TANC2: variants seen among roughly 807,000 people sequenced by gnomAD.
The protein encoded by TANC2 is tetratricopeptide repeat, ankyrin repeat and coiled-coil containing 2, also known as protein TANC2.
A neutral mutation model predicts 210.5 loss-of-function variants in TANC2; 26 were observed. That is an observed-to-expected ratio of 0.12 (90% CI 0.09 to 0.17). The LOEUF is 0.17. Among genes scored for constraint, TANC2 ranks in the 10% least tolerant of loss-of-function variants. The pLI, the probability that TANC2 is intolerant of heterozygous loss-of-function variation, is 1.00. For synonymous variants in TANC2, 931 were observed against 967.1 expected, an observed-to-expected ratio of 0.96 and a Z score of 0.69; for missense variants, 2,129 against 2,608.9, an observed-to-expected ratio of 0.82 and a Z score of 4.01.
At chr17:62,980,617 A>G (rs1478870278) in intron 1 of TANC2, among the ~76,000 whole-genome samples, 3 of 151,936 alleles carry the variant, frequency 2.0e-5, no homozygotes, top group Non-Finnish European at 4.4e-5. Context: ...TAGCCATTCA[A>G]CTCTGTGGCA....
At chr17:63,227,550 A>G (rs1361075433) in intron 7 of TANC2, among the ~76,000 whole-genome samples, 2 of 152,112 alleles carry the variant, frequency 1.3e-5, no homozygotes, top group African/African-American at 2.4e-5. Context: ...CTCCCATTCT[A>G]TAGGTTGTCA....
chr17:63,289,586 A>G (rs988742911), intron 9 of TANC2, among the ~76,000 whole-genome samples: 23 of 151,956 alleles, frequency 1.5e-4, no homozygotes, highest in African/African-American at 5.6e-4. Context: ...TACATTACCC[A>G]CTATTGTTGC....
intron 18 of TANC2, among the ~76,000 whole-genome samples, chr17:63,397,767 ATAGT>A (rs1392724740): frequency 9.9e-5 from 15 of 152,252 alleles, no homozygotes; most frequent in African/African-American, 3.4e-4. Context: ...ATAGTAAGAT[ATAGT>A]TAAATAATAG....
At chr17:63,214,588 C>T (rs2041974667) in intron 7 of TANC2, among the ~76,000 whole-genome samples, 1 of 152,166 alleles carries the variant, frequency 6.6e-6, no homozygotes, top group Non-Finnish European at 1.5e-5. Flanking sequence ...GAGGGCTCAT[C>T]CCTTGTAGCT....
chr17:63,411,366 A>G, intron 21 of TANC2, 145 bp from the exon 22 acceptor site: 1 of 743,164 alleles, frequency 1.3e-6, no homozygotes, highest in East Asian at 2.6e-5. Flanking sequence ...TTGAGATACA[A>G]CTGGCATACC....
chr17:63,307,293 C>G (rs1052349337), intron 9 of TANC2, among the ~76,000 whole-genome samples: 64 of 152,094 alleles, frequency 4.2e-4, no homozygotes, highest in African/African-American at 1.2e-3. Flanking sequence ...TAGGAGTAGT[C>G]GATAAGAAGG....
intron 2 of TANC2, among the ~76,000 whole-genome samples, chr17:63,035,981 C>G (rs759756811): frequency 6.6e-6 from 1 of 152,018 alleles, no homozygotes; most frequent in South Asian, 2.1e-4. Flanking sequence ...GCTTGTCTTC[C>G]GTGTATCCTG....
At chr17:63,290,626 T>G (rs2044356006) in intron 9 of TANC2, among the ~76,000 whole-genome samples, 1 of 152,180 alleles carries the variant, frequency 6.6e-6, no homozygotes, top group African/African-American at 2.4e-5. Flanking sequence ...CTGTTTTTCA[T>G]TGCCTTATGT....
rs563410505 is a variant in TANC2, at chr17:63,343,247, T to C, written c.1807+2915T>C. ...TAAATATAAAGACACAGATTGAAAG[T>C]AAAAGGATAGAGACTGTATAAACAT... is the stretch of plus-strand genomic sequence containing the variant. On this transcript the variant is annotated intron_variant, in intron 12 of 27. Coordinates refer to ENST00000689528, the Ensembl canonical transcript of TANC2. 1.1e-3 allele frequency among the ~76,000 whole-genome samples: 171 copies of C among 152,196 alleles called. 2 individuals carry two copies. The highest frequency in any genetic ancestry group is 3.8e-3 in the African/African-American group (158 of 41,554).
chr17:63,175,476 A>C (rs555022888), intron 5 of TANC2, among the ~76,000 whole-genome samples: 1 of 142,402 alleles, frequency 7.0e-6, no homozygotes, highest in African/African-American at 2.6e-5. Flanking sequence ...GCAGTGAGCT[A>C]TGTTGGTGCC....
intron 17 of TANC2, among the ~76,000 whole-genome samples, chr17:63,392,979 A>G (rs941753452): frequency 2.6e-5 from 4 of 152,206 alleles, no homozygotes; most frequent in Admixed American, 6.5e-5. Context: ...TGATAATACT[A>G]TTAACTAATC....
chr17:63,053,264 CT>C (rs1041652603), intron 2 of TANC2, among the ~76,000 whole-genome samples: 7 of 152,212 alleles, frequency 4.6e-5, no homozygotes. Context: ...TCCGGAAGTT[CT>C]TTCTAATCTC....
At chr17:63,155,837 AT>A (rs1300598074) in intron 5 of TANC2, among the ~76,000 whole-genome samples, 1 of 152,098 alleles carries the variant, frequency 6.6e-6, no homozygotes, top group East Asian at 1.9e-4. Context: ...ACCTGTAAAA[AT>A]TTTTTTCATT....
chr17:63,034,323 C>T (rs1345625159), intron 2 of TANC2, among the ~76,000 whole-genome samples: 1 of 152,116 alleles, frequency 6.6e-6, no homozygotes, highest in Non-Finnish European at 1.5e-5. Flanking sequence ...ACAATAAAGC[C>T]TGGATGACAG....
rs1297938693 is a variant in TANC2, at chr17:63,388,618, C to T, written c.2692-17C>T. The T allele has an allele frequency of 6.3e-7, 1 of 1,590,654 alleles. No individual in the cohort carries two copies. The highest frequency in any genetic ancestry group is 2.3e-5 in the East Asian group (1 of 44,332). ...TTTGCTGGGCTACTAATTTAATTGT[C>T]TGTATTTCTTATTCAGGGTTTGAGT... is the stretch of plus-strand genomic sequence containing the variant. On this transcript the variant is annotated splice_polypyrimidine_tract_variant and intron_variant, in intron 15 of 27. Coordinates refer to ENST00000689528, the Ensembl canonical transcript of TANC2.
chr17:63,314,764 C>T, intron 10 of TANC2, 95 bp downstream of exon 10: 1 of 1,448,436 alleles, frequency 6.9e-7, no homozygotes, highest in Non-Finnish European at 9.3e-7. Flanking sequence ...ATTTTCTCAT[C>T]TGCAAAACCT....
intron 2 of TANC2, among the ~76,000 whole-genome samples, chr17:63,029,177 G>A (rs142678617): frequency 6.6e-5 from 10 of 152,004 alleles, no homozygotes; most frequent in Admixed American, 5.9e-4. Flanking sequence ...CACAGCCTAC[G>A]TTAGCTTGAA....
At chr17:63,001,637 C>T (rs575735493) in intron 1 of TANC2, among the ~76,000 whole-genome samples, 4 of 151,328 alleles carry the variant, frequency 2.6e-5, no homozygotes, top group East Asian at 3.9e-4. Flanking sequence ...CTTTGCCATC[C>T]GGGTTCAAGC....
intron 5 of TANC2, among the ~76,000 whole-genome samples, chr17:63,185,502 G>T (rs1300076949): frequency 6.6e-6 from 1 of 152,130 alleles, no homozygotes; most frequent in African/African-American, 2.4e-5. Context: ...ACAACTAGTA[G>T]TGGACTTGCT....
Sources: allele counts gnomAD v4.1 joint callset (sites outside exome capture counted in the v4.1 genomes callset), GRCh38; gene constraint gnomAD v4.1.1; transcripts MANE v1.5; gene names NCBI Gene and HGNC (gene_info 2026-07-23, HGNC 2026-07-21).